The following MIGA1 variants were observed in gnomAD, a reference collection of about 807,000 sequenced individuals.
The protein encoded by MIGA1 is family with sequence similarity 73, member A.
Under a neutral mutation model 82.0 loss-of-function variants are expected in MIGA1, and 58 were observed. The ratio of observed to expected loss-of-function variants is 0.71; its 90% CI spans 0.57 to 0.88. MIGA1 has a LOEUF of 0.88. Among genes scored for constraint, MIGA1 ranks in the 40% least tolerant of loss-of-function variants. The probability of loss-of-function intolerance (pLI) is 0.00; values close to 1 mark genes in which losing one functional copy is unlikely to be tolerated. For missense variants in MIGA1, 751 were observed against 749.1 expected, an observed-to-expected ratio of 1.00 and a Z score of -0.03; for synonymous variants, 249 against 253.6, an observed-to-expected ratio of 0.98 and a Z score of 0.17.
Position 77,811,615 on chromosome 1 carries a change from G to T in MIGA1, c.638-2119G>T. ...GCCTATGGTTTTCTTTTGTTCTTCT[G>T]TGAATTCAGAATTATTGTGTTGAGC... On this transcript the variant is annotated intron_variant, in intron 5 of 15. Coordinates refer to ENST00000370791, the MANE Select transcript of MIGA1 (RefSeq NM_198549.4). 4.3e-6 allele frequency: 7 copies of T among 1,612,136 alleles called. No individual in the cohort carries two copies. The South Asian group carries it at 6.6e-5, about 15-fold the overall frequency.
chr1:77,789,322 C>T (rs1476363724), intron 2 of MIGA1, among the ~76,000 whole-genome samples: 1 of 151,320 alleles, frequency 6.6e-6, no homozygotes, highest in Non-Finnish European at 1.5e-5. Flanking sequence ...GATCCTTCCA[C>T]CTTAGCCTCC....
chr1:77,780,311 A>G (rs1240458942), intron 1 of MIGA1: 7 of 303,662 alleles, frequency 2.3e-5, no homozygotes, highest in Non-Finnish European at 2.9e-5. Context: ...ATAATTTAGC[A>G]CGGGAGTATT....
At chr1:77,827,223 C>T (rs184097642) in intron 7 of MIGA1, among the ~76,000 whole-genome samples, 4 of 152,248 alleles carry the variant, frequency 2.6e-5, no homozygotes, top group Admixed American at 2.6e-4. Context: ...CTTAGCCTCC[C>T]GACTACCACG....
chr1:77,877,087 T>A lies in MIGA1; in HGVS notation c.*2023T>A, dbSNP rs1646899731. ...CAGTGTGCTATCATACATAGCTCACTGCAGTCTCCAACTCCTCATACCAGA... is the reference window on the plus strand; with the variant it reads ...CAGTGTGCTATCATACATAGCTCACAGCAGTCTCCAACTCCTCATACCAGA... On this transcript the variant is annotated 3_prime_UTR_variant, in exon 16 of 16. Transcript: ENST00000370791. The A allele has an allele frequency of 6.6e-6, 1 of 152,184 alleles. No individual in the cohort carries two copies. Among genetic ancestry groups the A allele is most frequent in the African/African-American group, 2.4e-5 (1 of 41,446 alleles). The allele number at this position is 152,184 out of a possible 1,614,324, so 9.4% of individuals were successfully genotyped here.
chr1:77,819,080 CAAA>C (rs745979095), intron 7 of MIGA1, among the ~76,000 whole-genome samples: 9 of 63,278 alleles, frequency 1.4e-4, no homozygotes, highest in Admixed American at 5.1e-4. Flanking sequence ...AACTCTGTCC[CAAA>C]AAAAAAAAAA....
At chr1:77,824,382 C>T (rs893344049) in intron 7 of MIGA1, among the ~76,000 whole-genome samples, 1 of 151,832 alleles carries the variant, frequency 6.6e-6, no homozygotes, top group African/African-American at 2.4e-5. Flanking sequence ...GACAACATAG[C>T]GAGATCCCCG....
At chr1:77,844,761 G>T (rs1684773844) in intron 8 of MIGA1, among the ~76,000 whole-genome samples, 1 of 152,100 alleles carries the variant, frequency 6.6e-6, no homozygotes, top group South Asian at 2.1e-4. Context: ...GCCTCCTGAG[G>T]CCCTGAGGTC....
chr1:77,780,977 G>C (rs1218229040), intron 1 of MIGA1, among the ~76,000 whole-genome samples: 4 of 146,292 alleles, frequency 2.7e-5, no homozygotes, highest in African/African-American at 5.1e-5. Context: ...CGTGATCTCT[G>C]CTCACTGCAA....
At chr1:77,790,466 C>A (rs148854627) in intron 2 of MIGA1, among the ~76,000 whole-genome samples, 1,977 of 152,226 alleles carry the variant, frequency 0.013, 40 homozygotes, top group African/African-American at 0.046. Context: ...CGGGGTTTCA[C>A]CATGTTAGCC....
intron 2 of MIGA1, among the ~76,000 whole-genome samples, chr1:77,786,693 T>C (rs1343647731): frequency 2.6e-5 from 4 of 152,196 alleles, no homozygotes; most frequent in Non-Finnish European, 5.9e-5. Context: ...GAGTTCCTCA[T>C]CTCCATCTGA....
intron 14 of MIGA1, among the ~76,000 whole-genome samples, chr1:77,869,582 C>G (rs1312325011): frequency 2.5e-4 from 36 of 141,952 alleles, no homozygotes; most frequent in African/African-American, 9.0e-4. Flanking sequence ...CTGACCCCCC[C>G]ACCACCCTCC....
intron 8 of MIGA1, among the ~76,000 whole-genome samples, chr1:77,845,263 A>G (rs2101896104): frequency 6.6e-6 from 1 of 152,302 alleles, no homozygotes; most frequent in Non-Finnish European, 1.5e-5. Flanking sequence ...TTCTATGGGA[A>G]AGCTGTTTCC....
intron 12 of MIGA1, 113 bp from the exon 13 acceptor site, chr1:77,863,781 A>G (rs28533599): frequency 1.4e-6 from 1 of 704,778 alleles, no homozygotes; most frequent in Non-Finnish European, 2.2e-6. Flanking sequence ...TTTATTTTTG[A>G]ATAAGCTGAT....
chr1:77,820,810 G>A (rs1683777265), intron 7 of MIGA1, among the ~76,000 whole-genome samples: 1 of 152,136 alleles, frequency 6.6e-6, no homozygotes, highest in African/African-American at 2.4e-5. Context: ...TGAACTAGAA[G>A]GTAATTTGCC....
chr1:77,866,471 G>T, intron 14 of MIGA1, 80 bp downstream of exon 14: 1 of 1,347,560 alleles, frequency 7.4e-7, no homozygotes. Context: ...CACTTCTCCG[G>T]TGGGAATTGG....
chr1:77,809,754 GTT>G (rs55741013), intron 5 of MIGA1, among the ~76,000 whole-genome samples: 8,752 of 136,156 alleles, frequency 0.064, 279 homozygotes, highest in Non-Finnish European at 0.08. Flanking sequence ...GTGCATAAAT[GTT>G]TTTTTTTTTT....
At chr1:77,818,869 C>G (rs1365489562) in intron 7 of MIGA1, among the ~76,000 whole-genome samples, 1 of 151,894 alleles carries the variant, frequency 6.6e-6, no homozygotes, top group African/African-American at 2.4e-5. Flanking sequence ...CACCTGAGGT[C>G]GGGAGTTCGA....
intron 10 of MIGA1, 138 bp downstream of exon 10, chr1:77,859,524 C>A: frequency 3.3e-6 from 2 of 599,772 alleles, no homozygotes; most frequent in Non-Finnish European, 5.9e-6. Context: ...GTCCACTAAA[C>A]TTATTTTTCC....
At chr1:77,830,586 C>T (rs778436767) in intron 7 of MIGA1, among the ~76,000 whole-genome samples, 1 of 152,036 alleles carries the variant, frequency 6.6e-6, no homozygotes, top group Non-Finnish European at 1.5e-5. Flanking sequence ...TTCCGCACCC[C>T]CCTCCCCGCA....
Sources: gnomAD v4.1 joint callset for allele counts (sites outside exome capture counted in the v4.1 genomes callset) on GRCh38, gnomAD v4.1.1 for gene constraint, MANE v1.5 for transcripts, NCBI Gene and HGNC (gene_info 2026-07-23, HGNC 2026-07-21) for gene names.